The following SF3B1 variants were observed in gnomAD, a reference collection of about 807,000 sequenced individuals.
SF3B1 encodes the protein pre-mRNA processing 10.
A neutral mutation model predicts 153.8 loss-of-function variants in SF3B1; 12 were observed. The observed-to-expected ratio is 0.08, with a 90% CI of 0.05 to 0.13. SF3B1 has a LOEUF of 0.13. Ranked by LOEUF, SF3B1 falls within the 10% of genes least tolerant of loss-of-function variation. SF3B1 has a pLI of 1.00. For synonymous variants in SF3B1, 498 were observed against 525.2 expected (o/e 0.95, Z 0.71); for missense variants, 513 against 1,606.1 (o/e 0.32, Z 11.63).
chr2:197,432,043 T>G (rs1182906516), intron 1 of SF3B1, among the ~76,000 whole-genome samples: 1 of 152,164 alleles, frequency 6.6e-6, no homozygotes, highest in Non-Finnish European at 1.5e-5. Context: ...GAGGATCACT[T>G]GAGCCCAGCA....
intron 20 of SF3B1, among the ~76,000 whole-genome samples, chr2:197,399,835 A>G (rs1005009709): frequency 6.6e-6 from 1 of 152,152 alleles, no homozygotes; most frequent in Non-Finnish European, 1.5e-5. Context: ...CCTCTCATGT[A>G]GGTCCTAAAC....
chr2:197,407,468 G>C (rs2085009002), intron 9 of SF3B1, among the ~76,000 whole-genome samples: 1 of 152,118 alleles, frequency 6.6e-6, no homozygotes, highest in Non-Finnish European at 1.5e-5. Flanking sequence ...AGCCGGGCAT[G>C]GTGGTGGACA....
Position 197,401,376 on chromosome 2 carries a change from T to A in SF3B1, c.2496+24A>T. ...AATGAGTTGAAAGGACTTTTGAGAA[T>A]ATTCTTTTACAATAAAAGCTTACCT... On this transcript the variant is annotated intron_variant, in intron 17 of 24. Coordinates refer to ENST00000335508, the MANE Select transcript of SF3B1 (RefSeq NM_012433.4). The surrounding 1 kb of genome is among the most constrained non-coding windows in gnomAD (Gnocchi z 4.2). 6.3e-7 allele frequency: 1 copy of A among 1,578,928 alleles called. No homozygotes were observed. Among genetic ancestry groups the A allele is most frequent in the Non-Finnish European group, 8.6e-7 (1 of 1,169,386 alleles).
chr2:197,430,794 C>T (rs987580675), intron 1 of SF3B1, among the ~76,000 whole-genome samples: 13 of 152,140 alleles, frequency 8.5e-5, no homozygotes, highest in African/African-American at 2.6e-4. Flanking sequence ...ACACTGTGCC[C>T]GGCCTGTTGT....
chr2:197,432,875 T>A (rs942871070), intron 1 of SF3B1, among the ~76,000 whole-genome samples: 2 of 151,246 alleles, frequency 1.3e-5, no homozygotes, highest in Non-Finnish European at 3.0e-5. Flanking sequence ...CAAAAAAAAA[T>A]AAAAAATAAA....
chr2:197,423,647 G>T (rs1419968278), intron 2 of SF3B1, among the ~76,000 whole-genome samples, 161 bp downstream of exon 2: 1 of 152,172 alleles, frequency 6.6e-6, no homozygotes, highest in Non-Finnish European at 1.5e-5. Flanking sequence ...CATTTCCAGT[G>T]AAGTTTCTGA....
intron 1 of SF3B1, 64 bp from the exon 2 acceptor site, chr2:197,424,038 T>G (rs2085291200): frequency 6.0e-6 from 8 of 1,323,518 alleles, no homozygotes; most frequent in Non-Finnish European, 7.4e-6. Context: ...ACACAATGCA[T>G]TTCTTTACTA....
intron 6 of SF3B1, among the ~76,000 whole-genome samples, chr2:197,411,789 T>C (rs1448866558): frequency 6.6e-6 from 1 of 151,862 alleles, no homozygotes; most frequent in Non-Finnish European, 1.5e-5. Context: ...GACTCAATAG[T>C]TTTTCCCTTA....
At chr2:197,422,282 A>G (rs1335793407) in intron 2 of SF3B1, among the ~76,000 whole-genome samples, 1 of 152,122 alleles carries the variant, frequency 6.6e-6, no homozygotes, top group African/African-American at 2.4e-5. Context: ...AGCCAACTAT[A>G]AAATGTGACT....
chr2:197,416,378 C>A (rs2085149129), intron 6 of SF3B1, among the ~76,000 whole-genome samples: 1 of 152,072 alleles, frequency 6.6e-6, no homozygotes, highest in African/African-American at 2.4e-5. Flanking sequence ...AAGTCCTAAC[C>A]CCCAGTGTGA....
chr2:197,410,680 A>C (rs1260869339), intron 6 of SF3B1, among the ~76,000 whole-genome samples: 1 of 151,092 alleles, frequency 6.6e-6, no homozygotes, highest in East Asian at 2.0e-4. Flanking sequence ...TAATTTTTGT[A>C]TTTTTAGTAG....
In SF3B1 at chr2:197,392,283, A is replaced by G; in HGVS notation, c.*20T>C. The G allele has an allele frequency of 1.0e-6, 1 of 1,003,934 alleles. No individual in the cohort carries two copies. The highest frequency in any genetic ancestry group is 1.6e-6 in the Non-Finnish European group (1 of 639,152). 62.2% of individuals were successfully genotyped at this position (1,003,934 alleles called of 1,614,324 possible). ...AAGGTGTGAAGTAGCTGTGCATTAA[A>G]CACAAAATAAACAATAAAATTATAA... On this transcript the variant is annotated 3_prime_UTR_variant, in exon 25 of 25. Transcript: ENST00000335508.
At chr2:197,425,181 T>C (rs920242345) in intron 1 of SF3B1, among the ~76,000 whole-genome samples, 8 of 147,010 alleles carry the variant, frequency 5.4e-5, no homozygotes, top group Admixed American at 1.4e-4. Flanking sequence ...TGAATAAAAA[T>C]TAGGCCGGGC....
At chr2:197,409,174 C>G (rs1159631015) in intron 7 of SF3B1, among the ~76,000 whole-genome samples, 2 of 151,954 alleles carry the variant, frequency 1.3e-5, no homozygotes, top group Non-Finnish European at 2.9e-5. Context: ...CCGAGGGGGG[C>G]AGATCATCTG....
chr2:197,390,320 C>T lies in SF3B1; in HGVS notation c.*1983G>A, dbSNP rs771761155. The T allele has an allele frequency of 2.0e-5, 3 of 152,172 alleles. No homozygotes were observed. Among genetic ancestry groups the T allele is most frequent in the African/African-American group, 4.8e-5 (2 of 41,448 alleles). 9.4% of individuals were successfully genotyped at this position (152,172 alleles called of 1,614,324 possible). ...CTACTAAGTACTTGAATTGAAAATACAACTAAAATTTCCTGAGTCATTTAA... is the reference window on the plus strand; with the variant it reads ...CTACTAAGTACTTGAATTGAAAATATAACTAAAATTTCCTGAGTCATTTAA... On this transcript the variant is annotated 3_prime_UTR_variant, in exon 25 of 25. Coordinates refer to ENST00000335508, the MANE Select transcript of SF3B1 (RefSeq NM_012433.4).
chr2:197,390,205 A>G lies in SF3B1; in HGVS notation c.*2098T>C, dbSNP rs573488438. ...TCAAATTATTTGCATCAGTAAAAAA[A>G]GTTAATTAAGGTGTAACAGTCTCCT... On this transcript the variant is annotated 3_prime_UTR_variant, in exon 25 of 25. Coordinates refer to ENST00000335508, the MANE Select transcript of SF3B1 (RefSeq NM_012433.4). 8 of 152,304 alleles carry G rather than the reference A, an allele frequency of 5.3e-5. No individual in the cohort carries two copies. Among genetic ancestry groups the G allele is most frequent in the African/African-American group, 1.9e-4 (8 of 41,566 alleles). The allele number at this position is 152,304 out of a possible 1,614,324, so 9.4% of individuals were successfully genotyped here. A position where few individuals can be genotyped will look rare whatever the true frequency, so the allele number is the denominator to read the frequency against.
intron 1 of SF3B1, 61 bp downstream of exon 1, chr2:197,434,911 A>G (rs947341736): frequency 2.6e-6 from 4 of 1,552,376 alleles, no homozygotes; most frequent in East Asian, 2.2e-5. Flanking sequence ...GAATCCTAGG[A>G]AAAAAGGCTT....
intron 1 of SF3B1, among the ~76,000 whole-genome samples, chr2:197,434,647 C>CT (rs2085493518): frequency 1.3e-5 from 2 of 152,218 alleles, no homozygotes; most frequent in Non-Finnish European, 2.9e-5. Context: ...GTGAGACCTT[C>CT]TCCCCACGCC....
rs1443259354 is a variant in SF3B1 at position 197,390,801 on chromosome 2, C to A, written c.*1502G>T. ...TGTATTTTTAGTAGACGGGACTTCA[C>A]CGCGTTAGCCAGGATGGTCTCGATC... On this transcript the variant is annotated 3_prime_UTR_variant, in exon 25 of 25. Transcript: ENST00000335508. The A allele has an allele frequency of 6.6e-6, 1 of 152,034 alleles. No individual in the cohort carries two copies. Among genetic ancestry groups the A allele is most frequent in the African/African-American group, 2.4e-5 (1 of 41,338 alleles). 9.4% of individuals were successfully genotyped at this position (152,034 alleles called of 1,614,324 possible). A position where few individuals can be genotyped will look rare whatever the true frequency, so the allele number is the denominator to read the frequency against.
Sources: gnomAD v4.1 joint callset for allele counts (sites outside exome capture counted in the v4.1 genomes callset) on GRCh38, gnomAD v4.1.1 for gene constraint, Gnocchi (gnomAD v3.1) non-coding constraint, MANE v1.5 for transcripts, NCBI Gene and HGNC (gene_info 2026-07-23, HGNC 2026-07-21) for gene names.